MAP7: variants seen among roughly 807,000 people sequenced by gnomAD.
The protein encoded by MAP7 is microtubule associated protein 7, also known as ensconsin.
A neutral mutation model predicts 94.8 loss-of-function variants in MAP7; 52 were observed. The ratio of observed to expected loss-of-function variants is 0.55; its 90% CI spans 0.44 to 0.69. The LOEUF is 0.69. Ranked by LOEUF, MAP7 falls within the 30% of genes least tolerant of loss-of-function variation. MAP7 has a pLI of 0.00. For missense variants in MAP7, 940 were observed against 964.6 expected (o/e 0.97, Z 0.34); for synonymous variants, 350 against 357.0 (o/e 0.98, Z 0.22).
chr6:136,535,436 C>T (rs951273603), intron 1 of MAP7, among the ~76,000 whole-genome samples: 1 of 151,460 alleles, frequency 6.6e-6, no homozygotes, highest in Non-Finnish European at 1.5e-5. Flanking sequence ...TTAAGTGACA[C>T]AAAAAAAGGC....
At chr6:136,543,849 TG>T (rs577848075) in intron 1 of MAP7, among the ~76,000 whole-genome samples, 63 of 152,228 alleles carry the variant, frequency 4.1e-4, no homozygotes, top group African/African-American at 1.4e-3. Context: ...ATGTTAACGG[TG>T]GTGCTTACAT....
chr6:136,379,860 C>G (rs1297713683), intron 6 of MAP7, among the ~76,000 whole-genome samples: 1 of 152,218 alleles, frequency 6.6e-6, no homozygotes, highest in African/African-American at 2.4e-5. Context: ...TCCTGATACT[C>G]TGAACTAAAC....
intron 10 of MAP7, among the ~76,000 whole-genome samples, chr6:136,365,389 T>G (rs923430307): frequency 6.6e-6 from 1 of 152,164 alleles, no homozygotes; most frequent in Middle Eastern, 3.2e-3. Flanking sequence ...GGTTTTACAT[T>G]TCTAAGTAGC....
chr6:136,543,873 C>T (rs1304579566), intron 1 of MAP7, among the ~76,000 whole-genome samples: 1 of 151,802 alleles, frequency 6.6e-6, no homozygotes, highest in African/African-American at 2.4e-5. Context: ...CCTATACAGT[C>T]AACAAAACTA....
intron 16 of MAP7, among the ~76,000 whole-genome samples, chr6:136,352,469 A>T (rs1789522774): frequency 6.6e-6 from 1 of 152,162 alleles, no homozygotes; most frequent in African/African-American, 2.4e-5. Context: ...CACAGGTGTG[A>T]GCCACCACAC....
intron 6 of MAP7, among the ~76,000 whole-genome samples, chr6:136,382,421 A>G (rs1201584342): frequency 6.6e-6 from 1 of 152,238 alleles, no homozygotes; most frequent in Non-Finnish European, 1.5e-5. Context: ...AAAGATGAAT[A>G]GACAACTGTA....
At chr6:136,455,125 T>C (rs1802481715) in intron 1 of MAP7, among the ~76,000 whole-genome samples, 1 of 151,774 alleles carries the variant, frequency 6.6e-6, no homozygotes, top group African/African-American at 2.4e-5. Flanking sequence ...TTTCATCTAG[T>C]GTGTACTCTG....
chr6:136,483,845 T>C (rs528076684), intron 1 of MAP7, among the ~76,000 whole-genome samples: 1 of 152,360 alleles, frequency 6.6e-6, no homozygotes, highest in East Asian at 1.9e-4. Context: ...GTGGCCTACC[T>C]TCAGATATTT....
intron 1 of MAP7, among the ~76,000 whole-genome samples, chr6:136,471,305 G>A (rs1808887890): frequency 6.6e-6 from 1 of 152,062 alleles, no homozygotes; most frequent in Non-Finnish European, 1.5e-5. Context: ...GACAACCCAG[G>A]GGTACTGCAG....
rs1181810492 is a variant in MAP7 at position 136,356,712 on chromosome 6, C to T, written c.1995G>A (p.Gln665=). The T allele has an allele frequency of 1.2e-6, 2 of 1,613,954 alleles. No individual in the cohort carries two copies. The highest frequency in any genetic ancestry group is 4.5e-5 in the East Asian group (2 of 44,900). The part of the protein sequence containing the change: ...VGSPHVVTSH[Q]SKVTVESTPD... Reference sequence around the variant, plus strand: ...CTCACCTCTCCACTGTCACTTTTGACTGGTGTGAGGTAACCACATGTGGGC... The same window carrying T: ...CTCACCTCTCCACTGTCACTTTTGATTGGTGTGAGGTAACCACATGTGGGC... Residue 665 remains glutamine (Q), a synonymous_variant, in exon 16 of 18, where the codon CAG becomes CAA. Transcript: ENST00000354570.
chr6:136,467,851 T>A (rs1236820701), intron 1 of MAP7, among the ~76,000 whole-genome samples: 3 of 152,158 alleles, frequency 2.0e-5, no homozygotes, highest in African/African-American at 7.2e-5. Flanking sequence ...AAACACAATT[T>A]TTAGAAGAAA....
chr6:136,543,470 T>C (rs1415671930), intron 1 of MAP7, among the ~76,000 whole-genome samples: 2 of 152,050 alleles, frequency 1.3e-5, no homozygotes, highest in African/African-American at 4.8e-5. Context: ...TGGGGTTTAG[T>C]AGAAACCCCA....
intron 1 of MAP7, among the ~76,000 whole-genome samples, chr6:136,461,546 C>T (rs776395823): frequency 3.9e-5 from 6 of 152,086 alleles, no homozygotes; most frequent in Admixed American, 6.6e-5. Context: ...GGTCCTTCAT[C>T]GCATGTTACT....
chr6:136,463,749 A>G (rs1256164526), intron 1 of MAP7, among the ~76,000 whole-genome samples: 2 of 152,122 alleles, frequency 1.3e-5, no homozygotes, highest in African/African-American at 2.4e-5. Context: ...AGGCTCAGGG[A>G]GGTTAAATGA....
intron 1 of MAP7, among the ~76,000 whole-genome samples, chr6:136,441,276 A>T (rs1184447366): frequency 3.3e-5 from 5 of 152,186 alleles, no homozygotes; most frequent in Non-Finnish European, 7.3e-5. Context: ...GTATATTTTA[A>T]TATTTTATCA....
intron 3 of MAP7, among the ~76,000 whole-genome samples, chr6:136,401,122 G>A (rs1286130507): frequency 6.6e-6 from 1 of 152,186 alleles, no homozygotes; most frequent in African/African-American, 2.4e-5. Flanking sequence ...GCCAAGGTGG[G>A]AAGACTGCTT....
chr6:136,394,978 T>G (rs1782017951), intron 3 of MAP7, among the ~76,000 whole-genome samples: 1 of 49,666 alleles, frequency 2.0e-5, no homozygotes, highest in South Asian at 8.2e-4. Context: ...ATATCACATT[T>G]TCCTTATCCA....
At chr6:136,502,800 T>C (rs906569261) in intron 1 of MAP7, among the ~76,000 whole-genome samples, 2 of 152,206 alleles carry the variant, frequency 1.3e-5, no homozygotes, top group Non-Finnish European at 2.9e-5. Context: ...TTATAATTGA[T>C]ATGAATAGAG....
chr6:136,508,699 C>G (rs1822324932), intron 1 of MAP7, among the ~76,000 whole-genome samples: 1 of 152,154 alleles, frequency 6.6e-6, no homozygotes, highest in Non-Finnish European at 1.5e-5. Context: ...AACCATCAGT[C>G]AAAACCCAGG....
Sources: allele counts gnomAD v4.1 joint callset (sites outside exome capture counted in the v4.1 genomes callset), GRCh38; gene constraint gnomAD v4.1.1; transcripts MANE v1.5; gene names NCBI Gene and HGNC (gene_info 2026-07-23, HGNC 2026-07-21).